HOPX: variants seen among roughly 807,000 people sequenced by gnomAD.
The protein encoded by HOPX is homeodomain-only protein.
HOPX carries 5 observed loss-of-function variants against 11.8 expected under a neutral mutation model. That is an observed-to-expected ratio of 0.43 (90% confidence interval 0.22 to 0.89). The LOEUF is 0.89. Among genes scored for constraint, HOPX ranks in the 40% least tolerant of loss-of-function variants. The pLI is 0.28. For synonymous variants in HOPX, 49 were observed against 49.7 expected, an observed-to-expected ratio of 0.99 and a Z score of 0.06; for missense variants, 119 against 120.0, an observed-to-expected ratio of 0.99 and a Z score of 0.04.
chr4:56,671,798 T>C (rs762678233), intron 1 of HOPX, among the ~76,000 whole-genome samples: 2 of 152,046 alleles, frequency 1.3e-5, no homozygotes, highest in Admixed American at 6.5e-5. Flanking sequence ...CAGAAAGAGA[T>C]TGAGTGAAGC....
chr4:56,650,677 A>G, intron 3 of HOPX: 6 of 1,551,704 alleles, frequency 3.9e-6, no homozygotes, highest in Non-Finnish European at 5.2e-6. Flanking sequence ...TCAAGATCTT[A>G]CATACCTTTA....
intron 3 of HOPX, among the ~76,000 whole-genome samples, chr4:56,654,167 C>T (rs567136096): frequency 6.6e-6 from 1 of 152,314 alleles, no homozygotes; most frequent in African/African-American, 2.4e-5. Flanking sequence ...CTTTCTGTGC[C>T]TCAGTTGCCT....
chr4:56,668,947 C>A (rs1237241131), intron 1 of HOPX, among the ~76,000 whole-genome samples: 1 of 152,190 alleles, frequency 6.6e-6, no homozygotes, highest in Admixed American at 6.5e-5. Context: ...GAATGTCCTT[C>A]CTTGCCTCTT....
At chr4:56,658,910 T>C (rs1427645763) in intron 1 of HOPX, among the ~76,000 whole-genome samples, 1 of 152,254 alleles carries the variant, frequency 6.6e-6, no homozygotes, top group East Asian at 1.9e-4. Context: ...TTACATGCAA[T>C]CTGCTGGCTT....
At chr4:56,673,409 G>T (rs773821543) in intron 1 of HOPX, among the ~76,000 whole-genome samples, 1 of 152,076 alleles carries the variant, frequency 6.6e-6, no homozygotes, top group Admixed American at 6.5e-5. Flanking sequence ...AAAAAAAAGG[G>T]CTTTAAAAAA....
At chr4:56,678,438 ATTTTT>A (rs57921708) in intron 1 of HOPX, among the ~76,000 whole-genome samples, 32,088 of 99,410 alleles carry the variant, frequency 0.32, 3,909 homozygotes, top group East Asian at 0.34. Context: ...CTAGTCACTG[ATTTTT>A]TTTTTTTTTT....
intron 3 of HOPX, among the ~76,000 whole-genome samples, chr4:56,652,478 C>A (rs1336348848): frequency 6.6e-6 from 1 of 152,080 alleles, no homozygotes; most frequent in Non-Finnish European, 1.5e-5. Flanking sequence ...GCTTTAGTGA[C>A]CCTTTCCCAT....
rs567622984 is a variant in HOPX at position 56,672,053 on chromosome 4, G to A, written c.-84+9202C>T. Among the ~76,000 whole-genome samples, 53 of 152,114 alleles carry A rather than the reference G, an allele frequency of 3.5e-4. 2 individuals carry two copies. In the South Asian group the frequency reaches 0.01, roughly 30 times the overall value. On this transcript the variant is annotated intron_variant, in intron 1 of 3. Coordinates refer to ENST00000420433, the MANE Select transcript of HOPX (RefSeq NM_032495.6). ...AAGGTTCTAATCTAGCTTTCCCAGTGACTCAGGATATAATTGGGCAACAAA... is the reference window on the plus strand; with the variant it reads ...AAGGTTCTAATCTAGCTTTCCCAGTAACTCAGGATATAATTGGGCAACAAA...
At chr4:56,649,048 T>C (rs1485527590) in intron 3 of HOPX, 1 of 352,468 alleles carries the variant, frequency 2.8e-6, no homozygotes. Flanking sequence ...ACATCTCAGC[T>C]TAAACAGGAC....
intron 1 of HOPX, among the ~76,000 whole-genome samples, chr4:56,658,903 C>T (rs1717941201): frequency 6.6e-6 from 1 of 152,214 alleles, no homozygotes; most frequent in Non-Finnish European, 1.5e-5. Flanking sequence ...CAAGATGTTA[C>T]ATGCAATCTG....
intron 1 of HOPX, chr4:56,679,979 A>C (rs1262014520): frequency 6.6e-6 from 1 of 152,118 alleles, no homozygotes; most frequent in Non-Finnish European, 1.5e-5. Flanking sequence ...TATAGCCCTT[A>C]ATCATTATTT....
intron 1 of HOPX, among the ~76,000 whole-genome samples, chr4:56,666,241 T>A (rs1472523404): frequency 6.6e-6 from 1 of 152,202 alleles, no homozygotes; most frequent in Non-Finnish European, 1.5e-5. Context: ...GTGAGTAATA[T>A]AGAATACAAA....
chr4:56,649,719 A>C (rs1716973413), intron 3 of HOPX: 1 of 152,246 alleles, frequency 6.6e-6, no homozygotes, highest in African/African-American at 2.4e-5. Flanking sequence ...ATATGTTGTA[A>C]GGCAGTGTGG....
intron 1 of HOPX, chr4:56,663,177 C>G (rs1487166017): frequency 6.6e-6 from 1 of 152,124 alleles, no homozygotes; most frequent in African/African-American, 2.4e-5. Flanking sequence ...CTTTTGACCC[C>G]ATGTAACAAT....
Position 56,655,968 on chromosome 4 carries a change from C to G in HOPX, c.87G>C (p.Glu29Asp). 1.2e-6 allele frequency: 2 copies of G among 1,609,130 alleles called. No individual in the cohort carries two copies. Among genetic ancestry groups the G allele is most frequent in the Non-Finnish European group, 1.7e-6 (2 of 1,178,098 alleles). ...TGTACTCCAGGATTTCCACCTGGTC[C>G]TCTGTGGGGCCGCTCGCGGTCTCCG... ...MSAETASGPTEDQVEILEYNF... is the reference protein window; with the variant it reads ...MSAETASGPTDDQVEILEYNF... The change falls in exon 3 of 4, where the codon GAG becomes GAC. Residue 29 changes from glutamate to aspartate, a missense_variant. Physicochemically the swap from Glu to Asp is conservative, Grantham distance 45. Transcript: ENST00000420433.
At chr4:56,656,223 T>C (rs1717709420) in intron 2 of HOPX, 1 of 1,143,986 alleles carries the variant, frequency 8.7e-7, no homozygotes, top group Non-Finnish European at 1.1e-6. Flanking sequence ...CTGAGCGCTG[T>C]TGCGGGCTGA....
At chr4:56,655,777 G>A (rs949063483) in intron 3 of HOPX, 80 bp downstream of exon 3, 28 of 1,483,818 alleles carry the variant, frequency 1.9e-5, no homozygotes, top group Non-Finnish European at 2.2e-5. Flanking sequence ...CGGGAGGCGC[G>A]GACGAACAGG....
chr4:56,650,824 G>A (rs957052914), intron 3 of HOPX: 43 of 1,534,534 alleles, frequency 2.8e-5, no homozygotes, highest in Admixed American at 6.2e-5. Context: ...TTCATGAGAA[G>A]AGAGAACTCA....
chr4:56,675,773 C>T (rs1364703875), intron 1 of HOPX, among the ~76,000 whole-genome samples: 4 of 151,774 alleles, frequency 2.6e-5, no homozygotes, highest in Non-Finnish European at 5.9e-5. Flanking sequence ...TTTGCAGCAT[C>T]AGGCTTGCTG....
Sources: allele counts gnomAD v4.1 joint callset (sites outside exome capture counted in the v4.1 genomes callset), GRCh38; gene constraint gnomAD v4.1.1; transcripts MANE v1.5; gene names NCBI Gene and HGNC (gene_info 2026-07-23, HGNC 2026-07-21).